The following SSR1 variants were observed in gnomAD, a reference collection of about 807,000 sequenced individuals.
The protein encoded by SSR1 is translocon-associated protein subunit alpha.
SSR1 carries 13 observed loss-of-function variants against 36.1 expected under a neutral mutation model. That is an observed-to-expected ratio of 0.36 (90% CI 0.23 to 0.57). The LOEUF (loss-of-function observed/expected upper bound fraction) is 0.57, where lower values mean the gene tolerates loss of function less well. Ranked by LOEUF, SSR1 falls within the 20% of genes least tolerant of loss-of-function variation. SSR1 has a pLI of 0.81. For missense variants in SSR1, 291 were observed against 338.5 expected (o/e 0.86, Z 1.10); for synonymous variants, 113 against 118.9 (o/e 0.95, Z 0.32).
At chr6:7,297,143 C>G (rs1757815408) in intron 6 of SSR1, 1 of 337,896 alleles carries the variant, frequency 3.0e-6, no homozygotes, top group Admixed American at 3.3e-5. Context: ...TGACTTGAGC[C>G]CCGAAGGCGG....
rs545454067 is a variant in SSR1, at chr6:7,306,728, A to G, written c.193-3091T>C. On this transcript the variant is annotated intron_variant, in intron 2 of 7. Transcript: ENST00000244763. ...TCAGGAGATCGAGACCATCCTGGCT[A>G]ACATGGTGAAACCCCGTCTCTACTA... Among the ~76,000 whole-genome samples, 183 of 151,674 alleles carry G rather than the reference A, an allele frequency of 1.2e-3. 2 individuals carry two copies. Among genetic ancestry groups the G allele is most frequent in the South Asian group, 4.8e-3 (23 of 4,784 alleles).
At chr6:7,304,241 G>A (rs889740430) in intron 2 of SSR1, among the ~76,000 whole-genome samples, 8 of 152,340 alleles carry the variant, frequency 5.3e-5, no homozygotes, top group African/African-American at 1.7e-4. Context: ...CAAGGTTCTA[G>A]AACAGAGCTT....
intron 6 of SSR1, among the ~76,000 whole-genome samples, chr6:7,296,098 A>G (rs1365230442): frequency 1.3e-5 from 2 of 152,182 alleles, no homozygotes; most frequent in Non-Finnish European, 2.9e-5. Flanking sequence ...AAACCATAAA[A>G]TCTCATTAAG....
chr6:7,297,922 C>A lies in SSR1; in HGVS notation c.699+1G>T. ...TGTAAGAGGTGTTCATCCATAATTA[C>A]CTTTCTAGATTCTAGGAGTTGATGA... On this transcript the variant is annotated splice_donor_variant, in intron 6 of 7. Coordinates refer to ENST00000244763, the MANE Select transcript of SSR1 (RefSeq NM_003144.5). LOFTEE classifies it high-confidence loss of function. 6.2e-7 allele frequency: 1 copy of A among 1,612,012 alleles called. No homozygotes were observed. Among genetic ancestry groups the A allele is most frequent in the Non-Finnish European group, 8.5e-7 (1 of 1,178,624 alleles).
chr6:7,308,027 A>G (rs1758108738), intron 2 of SSR1, among the ~76,000 whole-genome samples: 1 of 152,342 alleles, frequency 6.6e-6, no homozygotes, highest in South Asian at 2.1e-4. Flanking sequence ...TCTTACCACA[A>G]CTAGTCAAAT....
intron 2 of SSR1, among the ~76,000 whole-genome samples, chr6:7,309,175 C>T (rs1408751): frequency 0.3 from 46,341 of 152,164 alleles, 7,838 homozygotes; most frequent in African/African-American, 0.46. Flanking sequence ...AAGCTCTAGG[C>T]CAGGTGTGGT....
At chr6:7,292,481 G>A (rs1436897665) in intron 7 of SSR1, among the ~76,000 whole-genome samples, 1 of 152,148 alleles carries the variant, frequency 6.6e-6, no homozygotes, top group Non-Finnish European at 1.5e-5. Flanking sequence ...CTGAAATCGC[G>A]GAACTGGTAA....
Position 7,288,863 on chromosome 6 carries a change from A to G in SSR1, c.*1001T>C, listed in dbSNP as rs1757614963. The G allele has an allele frequency of 6.6e-6, 1 of 152,266 alleles. No individual in the cohort carries two copies. The highest frequency in any genetic ancestry group is 2.4e-5 in the African/African-American group (1 of 41,456). The allele number at this position is 152,266 out of a possible 1,614,324, so 9.4% of individuals were successfully genotyped here. On this transcript the variant is annotated 3_prime_UTR_variant, in exon 8 of 8. Coordinates refer to ENST00000244763, the MANE Select transcript of SSR1 (RefSeq NM_003144.5). ...TATCAACAAGCAAAACTCCCAAAAG[A>G]TTAGGTAAGAAAAAATTAGTTAACT...
At position 7,289,781 on chromosome 6, in the gene SSR1, T is replaced by A. The variant is rs190008597; in HGVS notation, c.*83A>T. 1 of 1,276,778 alleles carries A rather than the reference T, an allele frequency of 7.8e-7. No homozygotes were observed. Among genetic ancestry groups the A allele is most frequent in the East Asian group, 2.6e-5 (1 of 37,830 alleles). 79.1% of individuals were successfully genotyped at this position (1,276,778 alleles called of 1,614,324 possible). On this transcript the variant is annotated 3_prime_UTR_variant, in exon 8 of 8. Transcript: ENST00000244763. ...GTAGGAGTTGCCTTCTATGGTGACA[T>A]GGCTTCTCTGCACTAATTCCCATCA... is the stretch of plus-strand genomic sequence containing the variant.
At chr6:7,311,724 G>A (rs1460742034) in intron 1 of SSR1, among the ~76,000 whole-genome samples, 2 of 151,624 alleles carry the variant, frequency 1.3e-5, no homozygotes, top group South Asian at 4.1e-4. Context: ...TTGTCCCCAT[G>A]AAGTCTAACA....
Position 7,297,999 on chromosome 6 carries a change from A to G in SSR1, c.623T>C (p.Ile208Thr). Residue 208 changes from isoleucine (I) to threonine (T), a missense_variant and splice_region_variant, in exon 6 of 8, where the codon ATC becomes ACC. Ile to Thr is a moderately conservative substitution (Grantham distance 89). Coordinates refer to ENST00000244763, the MANE Select transcript of SSR1 (RefSeq NM_003144.5). ...EREDGLDGET[I>T]FMYMFLAGLG... is the part of the protein sequence containing the mutation. ...ACCAGCAAGGAACATATACATAAAG[A>G]TTCTGGTACAAAAGGAGAAAATATG... is the stretch of plus-strand genomic sequence containing the variant. 6.2e-7 allele frequency: 1 copy of G among 1,612,336 alleles called. No homozygotes were observed. The highest frequency in any genetic ancestry group is 8.5e-7 in the Non-Finnish European group (1 of 1,178,892).
intron 7 of SSR1, 137 bp from the exon 8 acceptor site, chr6:7,290,068 C>G (rs1489411087): frequency 3.4e-6 from 2 of 592,872 alleles, no homozygotes; most frequent in Admixed American, 8.5e-5. Flanking sequence ...ATAATGAATG[C>G]CTCCTATCTA....
At chr6:7,303,881 GA>G (rs1019643595) in intron 2 of SSR1, among the ~76,000 whole-genome samples, 23 of 152,162 alleles carry the variant, frequency 1.5e-4, no homozygotes, top group Non-Finnish European at 5.9e-5. Flanking sequence ...CAGCTACTCG[GA>G]AGGCTAAGGC....
At position 7,283,924 on chromosome 6, in the gene SSR1, A is replaced by G. The variant is rs1757487681; in HGVS notation, c.*5940T>C. On this transcript the variant is annotated 3_prime_UTR_variant, in exon 8 of 8. Coordinates refer to ENST00000244763, the MANE Select transcript of SSR1 (RefSeq NM_003144.5). The stretch of plus-strand genomic sequence containing the variant: ...CCTCTGTGCTCCTTGAGGCTGTTTC[A>G]TTACAGATAACAAGGTTACCTAGGG... The G allele has an allele frequency of 6.6e-6, 1 of 152,198 alleles. No individual in the cohort carries two copies. The highest frequency in any genetic ancestry group is 2.1e-4 in the South Asian group (1 of 4,828). 9.4% of individuals were successfully genotyped at this position (152,198 alleles called of 1,614,324 possible).
intron 2 of SSR1, among the ~76,000 whole-genome samples, chr6:7,309,387 A>G (rs1758138067): frequency 6.6e-6 from 1 of 152,256 alleles, no homozygotes; most frequent in African/African-American, 2.4e-5. Flanking sequence ...ACTTGAGCCC[A>G]GGAGTTCGAG....
In SSR1 at chr6:7,298,837, T is replaced by C; in HGVS notation, c.544-14A>G. 1.9e-6 allele frequency: 3 copies of C among 1,601,696 alleles called. No homozygotes were observed. Among genetic ancestry groups the C allele is most frequent in the Non-Finnish European group, 2.6e-6 (3 of 1,171,002 alleles). ...GAATACATTGCCCTGTTTAAGAAAA[T>C]AAAATAATCAGAAAAATCTAAATGC... is the stretch of plus-strand genomic sequence containing the variant. On this transcript the variant is annotated splice_polypyrimidine_tract_variant and intron_variant, in intron 4 of 7. Transcript: ENST00000244763.
chr6:7,309,181 G>C (rs1758132036), intron 2 of SSR1, among the ~76,000 whole-genome samples: 1 of 152,232 alleles, frequency 6.6e-6, no homozygotes, highest in Non-Finnish European at 1.5e-5. Context: ...TAGGCCAGGT[G>C]TGGTGGCTCA....
At chr6:7,303,778 G>C in intron 2 of SSR1, 141 bp from the exon 3 acceptor site, 1 of 574,470 alleles carries the variant, frequency 1.7e-6, no homozygotes, top group Admixed American at 3.0e-5. Flanking sequence ...CTGAAGTCAG[G>C]AGCTCGAGAC....
Position 7,298,736 on chromosome 6 carries a change from C to T in SSR1, c.620+11G>A, listed in dbSNP as rs1406408251. ...CAAAATCAAGATCTACATACTACAACTTTCACTTACGTTTCTCCATCTAAC... is the reference window on the plus strand; with the variant it reads ...CAAAATCAAGATCTACATACTACAATTTTCACTTACGTTTCTCCATCTAAC... On this transcript the variant is annotated intron_variant, in intron 5 of 7. Transcript: ENST00000244763. The T allele has an allele frequency of 1.2e-6, 2 of 1,606,688 alleles. No homozygotes were observed. Among genetic ancestry groups the T allele is most frequent in the East Asian group, 4.5e-5 (2 of 44,792 alleles).
Sources: allele counts gnomAD v4.1 joint callset (sites outside exome capture counted in the v4.1 genomes callset), GRCh38; gene constraint gnomAD v4.1.1; transcripts MANE v1.5; gene names NCBI Gene and HGNC (gene_info 2026-07-23, HGNC 2026-07-21).